Variants in ARHGEF10 observed in about 807,000 individuals in gnomAD.
ARHGEF10 encodes Rho guanine nucleotide exchange factor 10.
A neutral mutation model predicts 147.4 loss-of-function variants in ARHGEF10; 140 were observed. The observed-to-expected ratio is 0.95, with a 90% CI of 0.83 to 1.09. The LOEUF (loss-of-function observed/expected upper bound fraction) is 1.09. Ranked by LOEUF, ARHGEF10 falls within the 50% of genes least tolerant of loss-of-function variation. The probability of loss-of-function intolerance (pLI) is 0.00; values close to 1 mark genes in which losing one functional copy is unlikely to be tolerated. For missense variants in ARHGEF10, 2,222 were observed against 1,752.7 expected (o/e 1.27, Z -4.78); for synonymous variants, 902 against 695.8 (o/e 1.30, Z -4.67).
Position 1,956,808 on chromosome 8 carries a change from A to G in ARHGEF10, c.3580A>G (p.Thr1194Ala). Residue 1194 changes from threonine to alanine, a missense_variant, in exon 29 of 29, where the codon ACG becomes GCG. Thr to Ala is a moderately conservative substitution (Grantham distance 58). Coordinates refer to ENST00000349830, the MANE Select transcript of ARHGEF10 (RefSeq NM_014629.4). ...NSPVKFIVLA[T>A]ALHEKDKDKS... Reference sequence around the variant, plus strand: ...TCCTGTCAAATTCATCGTCCTGGCCACGGCTCTGCACGAGAAAGACAAGGA... The same window carrying G: ...TCCTGTCAAATTCATCGTCCTGGCCGCGGCTCTGCACGAGAAAGACAAGGA... The G allele has an allele frequency of 6.2e-7, 1 of 1,614,096 alleles. No homozygotes were observed. Among genetic ancestry groups the G allele is most frequent in the Non-Finnish European group, 8.5e-7 (1 of 1,180,034 alleles).
At chr8:1,925,883 G>A in intron 22 of ARHGEF10, among the ~76,000 whole-genome samples, 1 of 152,200 alleles carries the variant, frequency 6.6e-6, no homozygotes, top group South Asian at 2.1e-4. Context: ...AGGGCCTTCA[G>A]TGACACTGAC....
At chr8:1,874,070 C>T (rs1386150992) in intron 7 of ARHGEF10, among the ~76,000 whole-genome samples, 1 of 152,178 alleles carries the variant, frequency 6.6e-6, no homozygotes, top group Non-Finnish European at 1.5e-5. Flanking sequence ...GGTCAGAAAA[C>T]ACATGCCAGG....
chr8:1,894,508 C>T lies in ARHGEF10; in HGVS notation c.1376C>T (p.Ala459Val), dbSNP rs144726787. The change falls in exon 13 of 29, where the codon GCG becomes GTG. Residue 459 changes from alanine to valine, a missense_variant. Physicochemically the swap from Ala to Val is moderately conservative, Grantham distance 64. Transcript: ENST00000349830. ...CAGTGCCACTCGCTATTTCAGATCG[C>T]GCTGGCCAGCCGCGTTTCCGAGTGG... ...ILQCHSLFQI[A>V]LASRVSEWDS... 2.1e-5 allele frequency: 34 copies of T among 1,614,068 alleles called. No homozygotes were observed. The highest frequency in any genetic ancestry group is 1.3e-4 in the African/African-American group (10 of 74,926).
intron 11 of ARHGEF10, among the ~76,000 whole-genome samples, chr8:1,887,932 A>G (rs1428318784): frequency 1.3e-5 from 2 of 149,710 alleles, no homozygotes; most frequent in Admixed American, 6.6e-5. Flanking sequence ...TCATCAGGAG[A>G]CAGTGATTGG....
At chr8:1,954,395 C>T (rs1815310723) in intron 28 of ARHGEF10, among the ~76,000 whole-genome samples, 2 of 152,176 alleles carry the variant, frequency 1.3e-5, no homozygotes, top group East Asian at 1.9e-4. Context: ...AAAGGCAGTG[C>T]TCATTGGAGG....
chr8:1,918,463 T>C (rs752166664), intron 18 of ARHGEF10, among the ~76,000 whole-genome samples: 5 of 21,550 alleles, frequency 2.3e-4, no homozygotes, highest in Non-Finnish European at 4.1e-4. Flanking sequence ...TTGATGGCTG[T>C]GTGTGTGTGT....
At chr8:1,911,580 G>A (rs1216475903) in intron 18 of ARHGEF10, among the ~76,000 whole-genome samples, 1 of 152,204 alleles carries the variant, frequency 6.6e-6, no homozygotes, top group Non-Finnish European at 1.5e-5. Flanking sequence ...TACAGAGAAG[G>A]TGAAAGTGGG....
chr8:1,938,100 C>T (rs372803539), intron 26 of ARHGEF10, among the ~76,000 whole-genome samples: 38 of 152,330 alleles, frequency 2.5e-4, no homozygotes, highest in African/African-American at 8.2e-4. Flanking sequence ...ATGCCATGGA[C>T]GCTGAGCTGC....
chr8:1,933,285 A>T (rs1813298629), intron 25 of ARHGEF10, among the ~76,000 whole-genome samples: 1 of 152,162 alleles, frequency 6.6e-6, no homozygotes, highest in African/African-American at 2.4e-5. Flanking sequence ...GCTAATGGGG[A>T]AATGTAACAT....
chr8:1,880,064 C>A lies in ARHGEF10; in HGVS notation c.860C>A (p.Thr287Asn), dbSNP rs368371011. 17 of 1,613,276 alleles carry A rather than the reference C, an allele frequency of 1.1e-5. No individual in the cohort carries two copies. Among genetic ancestry groups the A allele is most frequent in the Non-Finnish European group, 1.4e-5 (17 of 1,179,338 alleles). ...NHKKQLSHDL[T>N]RLKEHYEKKM... ...ATGCTGTAGCTTTCTCATGACCTAA[C>A]CCGTTTAAAGGAGCACTATGAGAAA... Residue 287 changes from threonine to asparagine, a missense_variant, in exon 9 of 29, where the codon ACC (threonine) becomes AAC (asparagine). Coordinates refer to ENST00000349830, the MANE Select transcript of ARHGEF10 (RefSeq NM_014629.4).
At chr8:1,844,056 G>A (rs1804310230) in intron 2 of ARHGEF10, among the ~76,000 whole-genome samples, 1 of 152,230 alleles carries the variant, frequency 6.6e-6, no homozygotes, top group Non-Finnish European at 1.5e-5. Context: ...TCGTCTGCAG[G>A]GCCTGGAGAC....
chr8:1,894,332 A>C, intron 12 of ARHGEF10, 61 bp from the exon 13 acceptor site: 1 of 1,593,452 alleles, frequency 6.3e-7, no homozygotes, highest in Non-Finnish European at 8.6e-7. Context: ...CCTGGACAAC[A>C]AAACAAGACC....
chr8:1,831,049 CGG>C (rs1323145746), intron 1 of ARHGEF10, among the ~76,000 whole-genome samples: 1 of 152,188 alleles, frequency 6.6e-6, no homozygotes, highest in African/African-American at 2.4e-5. Context: ...GCCAGGGCAG[CGG>C]GGGAACTGCA....
At chr8:1,887,301 G>C (rs1808748344) in intron 11 of ARHGEF10, among the ~76,000 whole-genome samples, 1 of 152,278 alleles carries the variant, frequency 6.6e-6, no homozygotes, top group Non-Finnish European at 1.5e-5. Context: ...GAGTGACTCA[G>C]GACCAGAAGA....
At chr8:1,900,462 G>A (rs115268657) in intron 15 of ARHGEF10, among the ~76,000 whole-genome samples, 49 of 152,168 alleles carry the variant, frequency 3.2e-4, no homozygotes, top group African/African-American at 1.2e-3. Context: ...AGATGTGCTG[G>A]GATTCTAACA....
chr8:1,876,904 A>G (rs1247694118), intron 8 of ARHGEF10, among the ~76,000 whole-genome samples, 170 bp downstream of exon 8: 4 of 152,238 alleles, frequency 2.6e-5, no homozygotes, highest in African/African-American at 9.6e-5. Flanking sequence ...GTCTTGTTTC[A>G]TATAGTTAAG....
chr8:1,926,649 C>T (rs188890555), intron 23 of ARHGEF10, 186 bp downstream of exon 23: 5 of 661,668 alleles, frequency 7.6e-6, no homozygotes, highest in Admixed American at 7.2e-5. Context: ...ATTTACAGTT[C>T]TTAGGAATGC....
Position 1,826,555 on chromosome 8 carries a change from A to T in ARHGEF10, c.-48+2442A>T, listed in dbSNP as rs532153401. 2.6e-5 allele frequency among the ~76,000 whole-genome samples: 4 copies of T among 152,230 alleles called. No individual in the cohort carries two copies. The South Asian group carries it at 8.3e-4, about 32-fold the overall frequency. ...CTGGCCCTGTGAGTCCAGACTTCTC[A>T]CGGGACTTGAGGGTGCTCACTTACG... On this transcript the variant is annotated intron_variant, in intron 1 of 28. Transcript: ENST00000349830.
chr8:1,866,343 G>A (rs1175951615), intron 5 of ARHGEF10, among the ~76,000 whole-genome samples, 183 bp from the exon 6 acceptor site: 2 of 152,184 alleles, frequency 1.3e-5, no homozygotes. Context: ...ATGAGTGAAA[G>A]CTTGAACTTG....
Sources: allele counts gnomAD v4.1 joint callset (sites outside exome capture counted in the v4.1 genomes callset), GRCh38; gene constraint gnomAD v4.1.1; transcripts MANE v1.5; gene names NCBI Gene and HGNC (gene_info 2026-07-23, HGNC 2026-07-21).